CTNNA3: variants seen among roughly 807,000 people sequenced by gnomAD.
CTNNA3 encodes the protein catenin alpha 3.
A neutral mutation model predicts 95.7 loss-of-function variants in CTNNA3; 76 were observed. The ratio of observed to expected loss-of-function variants is 0.79; its 90% CI spans 0.66 to 0.96. The LOEUF is 0.96. CTNNA3 is among the 40% of genes least tolerant of loss of function. CTNNA3 has a pLI of 0.00. For synonymous variants in CTNNA3, 431 were observed against 374.4 expected (o/e 1.15, Z -1.74); for missense variants, 1,191 against 1,089.8 (o/e 1.09, Z -1.31).
At chr10:66,874,389 G>A (rs1331048544) in intron 7 of CTNNA3, among the ~76,000 whole-genome samples, 1 of 152,118 alleles carries the variant, frequency 6.6e-6, no homozygotes, top group African/African-American at 2.4e-5. Flanking sequence ...TAATCTCTCT[G>A]AGTCATATTG....
At chr10:67,520,605 A>T (rs1367220086) in intron 5 of CTNNA3, among the ~76,000 whole-genome samples, 1 of 152,130 alleles carries the variant, frequency 6.6e-6, no homozygotes, top group African/African-American at 2.4e-5. Context: ...TAATTTTTTT[A>T]AAAAAACAAA....
intron 10 of CTNNA3, among the ~76,000 whole-genome samples, chr10:66,615,174 T>A (rs1311606341): frequency 6.6e-6 from 1 of 152,036 alleles, no homozygotes; most frequent in Non-Finnish European, 1.5e-5. Flanking sequence ...CTGTGCCAAG[T>A]ATATTGAAAA....
chr10:67,019,942 G>A (rs1466743369), intron 7 of CTNNA3, among the ~76,000 whole-genome samples: 1 of 152,196 alleles, frequency 6.6e-6, no homozygotes, highest in Non-Finnish European at 1.5e-5. Context: ...AAATAAGAAC[G>A]TCACTTGTTT....
chr10:66,185,812 A>G (rs529163950), intron 13 of CTNNA3, among the ~76,000 whole-genome samples: 19 of 152,088 alleles, frequency 1.2e-4, no homozygotes, highest in African/African-American at 4.3e-4. Context: ...GTAGTTGTGG[A>G]TTTTTTAAAA....
At chr10:67,229,369 TGG>T (rs199769767) in intron 5 of CTNNA3, among the ~76,000 whole-genome samples, 1,547 of 152,250 alleles carry the variant, frequency 0.01, 16 homozygotes, top group African/African-American at 0.024. Flanking sequence ...TTATACTGAA[TGG>T]GGAAAAGTTG....
chr10:67,513,306 A>G (rs550941386), intron 5 of CTNNA3, among the ~76,000 whole-genome samples: 14 of 152,216 alleles, frequency 9.2e-5, no homozygotes, highest in Non-Finnish European at 1.9e-4. Context: ...GAGGACAAGC[A>G]TAATCAGAAA....
chr10:66,359,757 T>C (rs1218180306), intron 12 of CTNNA3, among the ~76,000 whole-genome samples: 1 of 152,158 alleles, frequency 6.6e-6, no homozygotes. Flanking sequence ...TGTGCATCAG[T>C]ATAGTTCAAT....
chr10:66,989,097 T>A (rs1335100222), intron 7 of CTNNA3, among the ~76,000 whole-genome samples: 1 of 152,154 alleles, frequency 6.6e-6, no homozygotes, highest in Non-Finnish European at 1.5e-5. Context: ...TCCTGGAAAT[T>A]GTATCTGTTT....
At chr10:66,108,730 A>T (rs2133768562) in intron 13 of CTNNA3, among the ~76,000 whole-genome samples, 1 of 152,058 alleles carries the variant, frequency 6.6e-6, no homozygotes, top group East Asian at 1.9e-4. Context: ...GTATGTCTCA[A>T]TTTTTCTATT....
chr10:66,600,412 T>C (rs1301014103), intron 10 of CTNNA3, among the ~76,000 whole-genome samples: 1 of 151,854 alleles, frequency 6.6e-6, no homozygotes, highest in African/African-American at 2.4e-5. Flanking sequence ...CCTTGAAATA[T>C]ACACTTTTAT....
At chr10:67,569,852 C>G (rs1462581980) in intron 3 of CTNNA3, among the ~76,000 whole-genome samples, 1 of 152,078 alleles carries the variant, frequency 6.6e-6, no homozygotes, top group African/African-American at 2.4e-5. Flanking sequence ...ACTAATCTTT[C>G]CAATCATTAT....
chr10:67,590,387 A>G (rs1000319849), intron 3 of CTNNA3, among the ~76,000 whole-genome samples: 6 of 152,112 alleles, frequency 3.9e-5, no homozygotes, highest in African/African-American at 1.4e-4. Flanking sequence ...TCTATACACC[A>G]CCACCACCAG....
chr10:67,342,008 T>A (rs539201627), intron 5 of CTNNA3, among the ~76,000 whole-genome samples: 17 of 21,778 alleles, frequency 7.8e-4, no homozygotes, highest in African/African-American at 1.2e-3. Context: ...TGCCTCAAAC[T>A]CCATCTATTC....
chr10:66,722,327 T>G (rs981206676), intron 9 of CTNNA3, among the ~76,000 whole-genome samples: 1 of 150,674 alleles, frequency 6.6e-6, no homozygotes, highest in Non-Finnish European at 1.5e-5. Flanking sequence ...GCAGTGAGCC[T>G]AGATTGCGAC....
chr10:66,335,582 C>G (rs1437116629), intron 12 of CTNNA3, among the ~76,000 whole-genome samples: 1 of 152,042 alleles, frequency 6.6e-6, no homozygotes, highest in African/African-American at 2.4e-5. Flanking sequence ...CCTGATTGTT[C>G]CTCTGGAAGT....
At chr10:67,757,358 T>C (rs1473541694) in intron 1 of CTNNA3, among the ~76,000 whole-genome samples, 1 of 152,232 alleles carries the variant, frequency 6.6e-6, no homozygotes, top group Non-Finnish European at 1.5e-5. Context: ...TGGTTAATAC[T>C]GAGTATCAAC....
intron 11 of CTNNA3, among the ~76,000 whole-genome samples, chr10:66,425,460 A>G (rs12776592): frequency 0.38 from 57,890 of 151,368 alleles, 11,623 homozygotes; most frequent in African/African-American, 0.5. Flanking sequence ...CCTTTTATTA[A>G]TTGTGTAACT....
chr10:67,548,967 A>T (rs1261439663), intron 3 of CTNNA3, among the ~76,000 whole-genome samples: 3 of 152,198 alleles, frequency 2.0e-5, no homozygotes, highest in African/African-American at 7.2e-5. Flanking sequence ...ACATTTCTCC[A>T]AAGAAAAAAT....
At chr10:66,352,687 A>G (rs1322268739) in intron 12 of CTNNA3, among the ~76,000 whole-genome samples, 1 of 152,108 alleles carries the variant, frequency 6.6e-6, no homozygotes, top group Non-Finnish European at 1.5e-5. Context: ...GGTGCCATTG[A>G]GTTGTTTTAA....
Sources: gnomAD v4.1 joint callset for allele counts (sites outside exome capture counted in the v4.1 genomes callset) on GRCh38, gnomAD v4.1.1 for gene constraint, MANE v1.5 for transcripts, NCBI Gene and HGNC (gene_info 2026-07-23, HGNC 2026-07-21) for gene names.